Variants in ACSL1 observed in about 807,000 individuals in gnomAD.
ACSL1 encodes long-chain-fatty-acid--CoA ligase 1.
Under a neutral mutation model 98.4 loss-of-function variants are expected in ACSL1, and 41 were observed. That is an observed-to-expected ratio of 0.42 (90% CI 0.32 to 0.54). The LOEUF (loss-of-function observed/expected upper bound fraction) is 0.54, where lower values mean the gene tolerates loss of function less well. ACSL1 is among the 20% of genes least tolerant of loss of function. ACSL1 has a pLI of 0.13. For synonymous variants in ACSL1, 316 were observed against 322.7 expected, an observed-to-expected ratio of 0.98 and a Z score of 0.22; for missense variants, 734 against 883.1, an observed-to-expected ratio of 0.83 and a Z score of 2.14.
At chr4:184,810,794 G>C (rs1294293926) in intron 1 of ACSL1, among the ~76,000 whole-genome samples, 2 of 152,186 alleles carry the variant, frequency 1.3e-5, no homozygotes, top group Non-Finnish European at 2.9e-5. Flanking sequence ...GAGTTTGTTA[G>C]GAGCCACTGT....
Position 184,756,976 on chromosome 4 carries a change from A to G in ACSL1, c.*149T>C, listed in dbSNP as rs1762190663. The G allele has an allele frequency of 2.0e-6, 2 of 976,554 alleles. No homozygotes were observed. The highest frequency in any genetic ancestry group is 2.9e-6 in the Non-Finnish European group (2 of 681,524). 60.5% of individuals were successfully genotyped at this position (976,554 alleles called of 1,614,324 possible). ...AAGGCAGTGTTCTCTTTCCTCTAGC[A>G]TTCCTATGAGAAGAACCCCGAATGG... On this transcript the variant is annotated 3_prime_UTR_variant, in exon 21 of 21. Transcript: ENST00000281455.
chr4:184,786,125 C>T (rs1173149464), intron 3 of ACSL1, among the ~76,000 whole-genome samples: 1 of 152,136 alleles, frequency 6.6e-6, no homozygotes, highest in Non-Finnish European at 1.5e-5. Context: ...CAGCCGCCCA[C>T]GACCCTTAAC....
intron 1 of ACSL1, among the ~76,000 whole-genome samples, chr4:184,809,687 T>TTGGGAGGCTGAGGCAGGAGAATGG (rs1771843996): frequency 1.3e-5 from 2 of 151,974 alleles, no homozygotes; most frequent in Non-Finnish European, 2.9e-5. Flanking sequence ...TCCCAGCTAC[T>TTGGGAGGCTGAGGCAGGAGAATGG]TGGGAGGCTG....
intron 17 of ACSL1, 22 bp from the exon 18 acceptor site, chr4:184,760,522 G>T: frequency 6.2e-7 from 1 of 1,613,154 alleles, no homozygotes; most frequent in African/African-American, 1.3e-5. Context: ...AGGGGAGGGG[G>T]TTATGAATGG....
At chr4:184,776,384 TG>T in intron 7 of ACSL1, 99 bp downstream of exon 7, 1 of 1,369,788 alleles carries the variant, frequency 7.3e-7, no homozygotes, top group Non-Finnish European at 9.9e-7. Context: ...CGGCCAGCGC[TG>T]GGACTGCACC....
At chr4:184,785,363 T>C (rs897848966) in intron 3 of ACSL1, among the ~76,000 whole-genome samples, 2 of 152,164 alleles carry the variant, frequency 1.3e-5, no homozygotes, top group African/African-American at 4.8e-5. Context: ...AGCTCCCCGA[T>C]GGCACAAAAG....
intron 18 of ACSL1, 156 bp from the exon 19 acceptor site, chr4:184,758,076 T>C: frequency 3.0e-6 from 2 of 668,520 alleles, no homozygotes; most frequent in Admixed American, 5.9e-5. Context: ...AGGAGTTCAC[T>C]CAGCCCAGAT....
chr4:184,774,423 A>G (rs1412102556), intron 7 of ACSL1, among the ~76,000 whole-genome samples: 1 of 152,104 alleles, frequency 6.6e-6, no homozygotes. Context: ...CCCCTCGTAG[A>G]GTGGAGATAG....
At chr4:184,814,861 G>A (rs1035867935) in intron 1 of ACSL1, among the ~76,000 whole-genome samples, 1 of 152,122 alleles carries the variant, frequency 6.6e-6, no homozygotes, top group African/African-American at 2.4e-5. Flanking sequence ...CCTGCTATGT[G>A]AGCCACTTCC....
At chr4:184,806,103 TG>T (rs1333943400) in intron 1 of ACSL1, among the ~76,000 whole-genome samples, 1 of 152,188 alleles carries the variant, frequency 6.6e-6, no homozygotes. Context: ...GGCCAGGCGC[TG>T]GGAAGACAGT....
chr4:184,787,555 C>G (rs1767601919), intron 3 of ACSL1, among the ~76,000 whole-genome samples: 1 of 152,040 alleles, frequency 6.6e-6, no homozygotes, highest in Non-Finnish European at 1.5e-5. Flanking sequence ...TAGAAAGAGG[C>G]TTTATGATCA....
chr4:184,803,615 C>T lies in ACSL1; in HGVS notation c.-32-69G>A. ...ACCCCTCTCCAGAACTCCAAAATTC[C>T]ACCGGCCAGCCATCTAATTGGGTAG... On this transcript the variant is annotated intron_variant, in intron 1 of 20. Transcript: ENST00000281455. The surrounding 1 kb of genome is among the most constrained non-coding windows in gnomAD (Gnocchi z 4.8). The T allele has an allele frequency of 8.9e-7, 1 of 1,128,964 alleles. No individual in the cohort carries two copies. Among genetic ancestry groups the T allele is most frequent in the African/African-American group, 1.6e-5 (1 of 63,014 alleles). The allele number at this position is 1,128,964 out of a possible 1,614,324, so 69.9% of individuals were successfully genotyped here.
At chr4:184,811,121 T>C (rs1197919952) in intron 1 of ACSL1, among the ~76,000 whole-genome samples, 1 of 151,942 alleles carries the variant, frequency 6.6e-6, no homozygotes, top group African/African-American at 2.4e-5. Flanking sequence ...TTTTGTTTTG[T>C]TTTTTGAGAC....
chr4:184,795,729 C>A (rs536515065), intron 2 of ACSL1, among the ~76,000 whole-genome samples: 1 of 152,326 alleles, frequency 6.6e-6, no homozygotes, highest in Non-Finnish European at 1.5e-5. Context: ...ACAGGTCTTA[C>A]AGTCTCTTAG....
Position 184,755,837 on chromosome 4 carries a change from T to G in ACSL1, c.*1288A>C, listed in dbSNP as rs1308462450. 6.6e-6 allele frequency: 1 copy of G among 152,662 alleles called. No homozygotes were observed. Among genetic ancestry groups the G allele is most frequent in the Non-Finnish European group, 1.5e-5 (1 of 68,030 alleles). 9.5% of individuals were successfully genotyped at this position (152,662 alleles called of 1,614,324 possible). A position where few individuals can be genotyped will look rare whatever the true frequency, so the allele number is the denominator to read the frequency against. ...GTGCTTGTATATAATACATGTACTC[T>G]CACAGACCCCAAAACAGCTGCTTTA... On this transcript the variant is annotated 3_prime_UTR_variant, in exon 21 of 21. Transcript: ENST00000281455.
rs1762671857 is a variant in ACSL1, at chr4:184,760,250, AAGCCAAGTGATAGGCGTCTC to A, written c.1782+87_1782+106del. On this transcript the variant is annotated intron_variant, in intron 18 of 20. Transcript: ENST00000281455. ...TGATATTCTAGCAGATTAGACATGA[AAGCCAAGTGATAGGCGTCTC>A]AAACTTCCAATCACATTTAAAGCCC... 3.1e-6 allele frequency: 4 copies of A among 1,306,614 alleles called. No homozygotes were observed. The African/African-American group carries it at 5.9e-5, about 19-fold the overall frequency. 80.9% of individuals were successfully genotyped at this position (1,306,614 alleles called of 1,614,324 possible). A position where few individuals can be genotyped will look rare whatever the true frequency, so the allele number is the denominator to read the frequency against.
At chr4:184,802,721 C>G (rs1181763990) in intron 2 of ACSL1, among the ~76,000 whole-genome samples, 4 of 152,222 alleles carry the variant, frequency 2.6e-5, no homozygotes, top group African/African-American at 9.6e-5. Context: ...CATGAGAGCA[C>G]AGCCTCCAGT....
intron 11 of ACSL1, among the ~76,000 whole-genome samples, chr4:184,769,657 G>C (rs923184917): frequency 6.6e-6 from 1 of 152,200 alleles, no homozygotes; most frequent in African/African-American, 2.4e-5. Context: ...GAGCAAATCC[G>C]ACAGGGCAGC....
intron 1 of ACSL1, among the ~76,000 whole-genome samples, chr4:184,819,183 C>G (rs1772864427): frequency 6.6e-6 from 1 of 150,924 alleles, no homozygotes; most frequent in East Asian, 1.9e-4. Flanking sequence ...CACTCTATAC[C>G]CCAGGCTGGA....
Sources: gnomAD v4.1 joint callset for allele counts (sites outside exome capture counted in the v4.1 genomes callset) on GRCh38, gnomAD v4.1.1 for gene constraint, Gnocchi (gnomAD v3.1) non-coding constraint, MANE v1.5 for transcripts, NCBI Gene and HGNC (gene_info 2026-07-23, HGNC 2026-07-21) for gene names.